SGSM1: variants seen among roughly 807,000 people sequenced by gnomAD.
The protein encoded by SGSM1 is small G protein signaling modulator 1, also known as RUN and TBC1 domain containing 2.
In SGSM1, 73 loss-of-function variants were observed where a neutral mutation model predicts 133.8. The ratio of observed to expected loss-of-function variants is 0.55; its 90% CI spans 0.45 to 0.66. The LOEUF (loss-of-function observed/expected upper bound fraction) is 0.66, where lower values mean the gene tolerates loss of function less well. Ranked by LOEUF, SGSM1 falls within the 30% of genes least tolerant of loss-of-function variation. SGSM1 has a pLI of 0.00. For synonymous variants in SGSM1, 563 were observed against 573.0 expected (o/e 0.98, Z 0.25); for missense variants, 1,213 against 1,448.1 (o/e 0.84, Z 2.64).
chr22:24,831,930 T>C (rs713664), intron 2 of SGSM1, among the ~76,000 whole-genome samples: 51,163 of 152,132 alleles, frequency 0.34, 9,061 homozygotes, highest in Middle Eastern at 0.44. Context: ...TTGTTCTGTG[T>C]TGTATCACTG....
intron 12 of SGSM1, chr22:24,874,610 G>T (rs1193779666): frequency 3.9e-6 from 6 of 1,547,358 alleles, no homozygotes; most frequent in Non-Finnish European, 4.4e-6. Context: ...GTCCCCAGGG[G>T]CTGGGTGCCA....
intron 9 of SGSM1, among the ~76,000 whole-genome samples, chr22:24,866,385 G>A (rs1209674051): frequency 3.3e-5 from 5 of 152,190 alleles, no homozygotes; most frequent in African/African-American, 1.2e-4. Flanking sequence ...GCTATTGAGA[G>A]GCTATCCTGA....
intron 14 of SGSM1, among the ~76,000 whole-genome samples, chr22:24,883,266 A>C (rs1031024695): frequency 1.3e-5 from 2 of 152,188 alleles, no homozygotes; most frequent in African/African-American, 4.8e-5. Flanking sequence ...TATGTTGGCT[A>C]TCATGAATGG....
At chr22:24,856,701 C>T (rs1052625763) in intron 8 of SGSM1, among the ~76,000 whole-genome samples, 2 of 152,058 alleles carry the variant, frequency 1.3e-5, no homozygotes, top group Non-Finnish European at 2.9e-5. Flanking sequence ...ATCTGCATCA[C>T]AATGGGTACA....
rs570488921 is a variant in SGSM1 at position 24,856,588 on chromosome 22, C to G, written c.801+908C>G. On this transcript the variant is annotated intron_variant, in intron 8 of 24. Transcript: ENST00000400358. ...TGGTCATTGTGGTGTTTGGCCTCAGCGGGAGGAAGCAAAGGGAAAACCATC... is the reference window on the plus strand; with the variant it reads ...TGGTCATTGTGGTGTTTGGCCTCAGGGGGAGGAAGCAAAGGGAAAACCATC... 2.0e-5 allele frequency among the ~76,000 whole-genome samples: 3 copies of G among 152,180 alleles called. No individual in the cohort carries two copies. In the East Asian group the frequency reaches 5.8e-4, roughly 29 times the overall value.
At chr22:24,839,062 T>C (rs1929641578) in intron 2 of SGSM1, among the ~76,000 whole-genome samples, 2 of 152,150 alleles carry the variant, frequency 1.3e-5, no homozygotes, top group Non-Finnish European at 1.5e-5. Flanking sequence ...TTATTTGTCT[T>C]GTTTTTATTT....
chr22:24,849,848 T>C (rs1431323491), intron 4 of SGSM1, among the ~76,000 whole-genome samples: 1 of 152,214 alleles, frequency 6.6e-6, no homozygotes, highest in Non-Finnish European at 1.5e-5. Context: ...TATCTCTGTC[T>C]GGCTGGATCA....
Position 24,904,776 on chromosome 22 carries a change from C to T in SGSM1, c.2736-329C>T, listed in dbSNP as rs570400404. On this transcript the variant is annotated intron_variant, in intron 20 of 24. Coordinates refer to ENST00000400358, the MANE Select transcript of SGSM1 (RefSeq NM_001098497.3). ...TGCTGGAGAGGAAGACAGTGGGAAG[C>T]GATGTTTGAGGCTGTGAAGATGAGT... Among the ~76,000 whole-genome samples the T allele has an allele frequency of 2.6e-5, 4 of 152,010 alleles. No homozygotes were observed. In the East Asian group the frequency reaches 7.7e-4, roughly 29 times the overall value.
In SGSM1 at chr22:24,898,138, C is replaced by T. The variant is rs1932973086; in HGVS notation, c.2189C>T (p.Pro730Leu). The part of the protein sequence containing the change: ...FSSGLSEHSE[P>L]SLSTEDSVLD... Reference sequence around the variant, plus strand: ...TCGGGCCTCTCAGAGCACTCAGAGCCCAGTCTGAGCACAGAAGACAGTGTC... The same window carrying T: ...TCGGGCCTCTCAGAGCACTCAGAGCTCAGTCTGAGCACAGAAGACAGTGTC... Residue 730 changes from proline (P) to leucine (L), a missense_variant, in exon 19 of 25, where the codon CCC becomes CTC. Transcript: ENST00000400358. The T allele has an allele frequency of 3.7e-6, 6 of 1,613,856 alleles. No homozygotes were observed. Among genetic ancestry groups the T allele is most frequent in the South Asian group, 1.1e-5 (1 of 91,078 alleles).
intron 21 of SGSM1, among the ~76,000 whole-genome samples, chr22:24,905,706 G>A (rs915675934): frequency 9.3e-5 from 14 of 150,766 alleles, no homozygotes; most frequent in African/African-American, 2.7e-4. Context: ...GGAGAATGGC[G>A]TGAACCCGGG....
chr22:24,907,463 C>T (rs1933431915), intron 21 of SGSM1, among the ~76,000 whole-genome samples: 1 of 151,968 alleles, frequency 6.6e-6, no homozygotes, highest in Non-Finnish European at 1.5e-5. Flanking sequence ...GGTAGCAATG[C>T]TCTCCAATGA....
At chr22:24,888,092 A>T (rs1007445918) in intron 16 of SGSM1, among the ~76,000 whole-genome samples, 2 of 152,152 alleles carry the variant, frequency 1.3e-5, no homozygotes, top group Non-Finnish European at 2.9e-5. Context: ...ATACTCTGAT[A>T]ACAGTCCTTT....
At chr22:24,884,743 G>T (rs550719967) in intron 15 of SGSM1, among the ~76,000 whole-genome samples, 1 of 152,170 alleles carries the variant, frequency 6.6e-6, no homozygotes, top group African/African-American at 2.4e-5. Context: ...TTCCCACAGC[G>T]CATGTACAGT....
At chr22:24,810,225 T>C (rs1031063284) in intron 2 of SGSM1, among the ~76,000 whole-genome samples, 1 of 152,106 alleles carries the variant, frequency 6.6e-6, no homozygotes, top group African/African-American at 2.4e-5. Flanking sequence ...GTCTTTACCT[T>C]TATCAGTGTG....
intron 12 of SGSM1, among the ~76,000 whole-genome samples, chr22:24,873,680 A>G (rs117780649): frequency 0.036 from 5,425 of 152,182 alleles, 134 homozygotes; most frequent in Middle Eastern, 0.058. Context: ...GCAAAACCCT[A>G]TCTCTACAAA....
intron 3 of SGSM1, among the ~76,000 whole-genome samples, chr22:24,845,837 G>GGA (rs1266394573): frequency 7.0e-6 from 1 of 142,890 alleles, no homozygotes; most frequent in Admixed American, 6.7e-5. Flanking sequence ...CGCTTTCTTG[G>GGA]GAGGCAAGGA....
chr22:24,872,650 GGCCCAC>G (rs1210787346), intron 12 of SGSM1, among the ~76,000 whole-genome samples: 1 of 152,178 alleles, frequency 6.6e-6, no homozygotes, highest in Non-Finnish European at 1.5e-5. Flanking sequence ...CAGGCCCAGT[GGCCCAC>G]GCCTGTAATC....
rs931487880 is a variant in SGSM1 at position 24,901,956 on chromosome 22, A to G, written c.2734A>G (p.Ser912Gly). 4 of 1,183,468 alleles carry G rather than the reference A, an allele frequency of 3.4e-6. No individual in the cohort carries two copies. Among genetic ancestry groups the G allele is most frequent in the African/African-American group, 2.5e-5 (1 of 40,586 alleles). 73.3% of individuals were successfully genotyped at this position (1,183,468 alleles called of 1,614,324 possible). A position where few individuals can be genotyped will look rare whatever the true frequency, so the allele number is the denominator to read the frequency against. ...GGAGAAGCTGCGTAACATCATGTGC[A>G]GGTGGCTGGGGACAGCGAGGGGATC... The part of the protein sequence containing the change: ...NLEKLRNIMC[S>G]YIWQHIEIGY... Residue 912 changes from serine to glycine, a missense_variant and splice_region_variant, in exon 20 of 25, where the codon AGC (serine) becomes GGC (glycine). Physicochemically the swap from Ser to Gly is moderately conservative, Grantham distance 56. Coordinates refer to ENST00000400358, the MANE Select transcript of SGSM1 (RefSeq NM_001098497.3).
intron 9 of SGSM1, among the ~76,000 whole-genome samples, chr22:24,860,155 C>G (rs554108543): frequency 6.6e-6 from 1 of 152,348 alleles, no homozygotes; most frequent in East Asian, 1.9e-4. Flanking sequence ...ATTCTTCAGT[C>G]TCTGTCTTCC....
Sources: gnomAD v4.1 joint callset for allele counts (sites outside exome capture counted in the v4.1 genomes callset) on GRCh38, gnomAD v4.1.1 for gene constraint, MANE v1.5 for transcripts, NCBI Gene and HGNC (gene_info 2026-07-23, HGNC 2026-07-21) for gene names.